The following RAB3C variants were observed in gnomAD, a reference collection of about 807,000 sequenced individuals.
The protein encoded by RAB3C is RAB3C, member RAS oncogene family, also known as ras-related protein Rab-3C.
In RAB3C, 17 loss-of-function variants were observed where a neutral mutation model predicts 26.4. The observed-to-expected ratio is 0.64, with a 90% CI of 0.44 to 0.97. The LOEUF (loss-of-function observed/expected upper bound fraction) is 0.97, where lower values mean the gene tolerates loss of function less well. Among genes scored for constraint, RAB3C ranks in the 50% least tolerant of loss-of-function variants. The pLI, the probability that RAB3C is intolerant of heterozygous loss-of-function variation, is 0.00. For synonymous variants in RAB3C, 91 were observed against 95.9 expected, an observed-to-expected ratio of 0.95 and a Z score of 0.30; for missense variants, 242 against 281.9, an observed-to-expected ratio of 0.86 and a Z score of 1.01.
intron 4 of RAB3C, among the ~76,000 whole-genome samples, chr5:58,845,632 A>T (rs2548233): frequency 8.8e-6 from 1 of 113,164 alleles, no homozygotes; most frequent in Non-Finnish European, 1.8e-5. Context: ...GTGTGTGTGT[A>T]TATGTATATA....
intron 2 of RAB3C, among the ~76,000 whole-genome samples, chr5:58,675,078 G>C (rs951250609): frequency 3.9e-5 from 6 of 152,008 alleles, no homozygotes; most frequent in Non-Finnish European, 8.8e-5. Flanking sequence ...TACAGCTTAG[G>C]CTTTTCTTTT....
At chr5:58,796,578 A>T in intron 3 of RAB3C, among the ~76,000 whole-genome samples, 1 of 152,340 alleles carries the variant, frequency 6.6e-6, no homozygotes, top group South Asian at 2.1e-4. Context: ...TTATTTACAA[A>T]AGTGTTGGCA....
intron 3 of RAB3C, among the ~76,000 whole-genome samples, chr5:58,797,354 ATATGTATATATATAATAT>A (rs372713456): frequency 0.19 from 10,965 of 57,816 alleles, 1,148 homozygotes; most frequent in Non-Finnish European, 0.22. Context: ...AAAAAAAAAA[ATATGTATATATATAATAT>A]ATATATATAT....
At chr5:58,841,502 T>C (rs1041855736) in intron 4 of RAB3C, among the ~76,000 whole-genome samples, 4 of 151,928 alleles carry the variant, frequency 2.6e-5, no homozygotes, top group African/African-American at 7.3e-5. Context: ...GTAGCTCTGG[T>C]CTCAAGATGG....
chr5:58,766,157 A>G (rs1279749389), intron 3 of RAB3C, among the ~76,000 whole-genome samples: 4 of 144,194 alleles, frequency 2.8e-5, no homozygotes. Context: ...TCGCTCTGTC[A>G]CCCAGGCTGG....
At chr5:58,602,986 C>A (rs551081498) in intron 1 of RAB3C, among the ~76,000 whole-genome samples, 1 of 152,126 alleles carries the variant, frequency 6.6e-6, no homozygotes, top group African/African-American at 2.4e-5. Context: ...CTCCTTTTAG[C>A]AGTTCTTGTA....
intron 3 of RAB3C, among the ~76,000 whole-genome samples, chr5:58,770,302 GA>G (rs1252014669): frequency 6.6e-6 from 1 of 152,110 alleles, no homozygotes; most frequent in East Asian, 1.9e-4. Flanking sequence ...CAGAGAAACT[GA>G]ATAATCACTG....
In RAB3C at chr5:58,640,226, G is replaced by A. The variant is rs146604942; in HGVS notation, c.252+22356G>A. 2.7e-3 allele frequency among the ~76,000 whole-genome samples: 418 copies of A among 152,312 alleles called. 1 individual carries two copies. The highest frequency in any genetic ancestry group is 9.5e-3 in the African/African-American group (396 of 41,578). On this transcript the variant is annotated intron_variant, in intron 2 of 4. Transcript: ENST00000282878. ...CAAGCTCATTCTGGCCTCTTGGAAAGGAGGAACTTCCAGCTGCTGGCAGCC... is the reference window on the plus strand; with the variant it reads ...CAAGCTCATTCTGGCCTCTTGGAAAAGAGGAACTTCCAGCTGCTGGCAGCC...
chr5:58,648,306 A>T (rs158971), intron 2 of RAB3C, among the ~76,000 whole-genome samples: 21,989 of 152,182 alleles, frequency 0.14, 1,960 homozygotes, highest in Middle Eastern at 0.24. Flanking sequence ...CCATCCATGC[A>T]TTCAACAAAC....
intron 3 of RAB3C, among the ~76,000 whole-genome samples, chr5:58,798,189 T>G (rs1387304413): frequency 6.6e-6 from 1 of 152,168 alleles, no homozygotes; most frequent in Admixed American, 6.5e-5. Flanking sequence ...AGTCATTGAT[T>G]CAGGCAGAGG....
At chr5:58,774,814 G>A (rs1742092969) in intron 3 of RAB3C, among the ~76,000 whole-genome samples, 1 of 152,162 alleles carries the variant, frequency 6.6e-6, no homozygotes, top group Non-Finnish European at 1.5e-5. Context: ...TCAGGGCAGA[G>A]TGTCCTTAGC....
At chr5:58,837,557 CTTTTTTTT>C (rs36020735) in intron 4 of RAB3C, among the ~76,000 whole-genome samples, 3 of 118,898 alleles carry the variant, frequency 2.5e-5, no homozygotes, top group Non-Finnish European at 5.0e-5. Flanking sequence ...TTCAGTCTCT[CTTTTTTTT>C]TTTTTTTTTT....
chr5:58,685,084 A>G (rs1297768040), intron 2 of RAB3C, among the ~76,000 whole-genome samples: 1 of 152,212 alleles, frequency 6.6e-6, no homozygotes, highest in Non-Finnish European at 1.5e-5. Context: ...TAGAATCTTT[A>G]TTGACCCTAA....
chr5:58,641,315 T>C (rs1186155606), intron 2 of RAB3C, among the ~76,000 whole-genome samples: 1 of 152,246 alleles, frequency 6.6e-6, no homozygotes, highest in Non-Finnish European at 1.5e-5. Flanking sequence ...ATCCTCCTGC[T>C]GTGGCCCACT....
chr5:58,852,087 TC>T lies in RAB3C; in HGVS notation c.*738del, dbSNP rs1363254015. The T allele has an allele frequency of 6.6e-6, 1 of 152,238 alleles. No individual in the cohort carries two copies. The highest frequency in any genetic ancestry group is 1.5e-5 in the Non-Finnish European group (1 of 68,052). The allele number at this position is 152,238 out of a possible 1,614,324, so 9.4% of individuals were successfully genotyped here. On this transcript the variant is annotated 3_prime_UTR_variant, in exon 5 of 5. Transcript: ENST00000282878. ...TACCCAGGACTGCTTTTTCCACTGATCCTTCCCAATTCTGTGAATATTCAAC... is the reference window on the plus strand; with the variant it reads ...TACCCAGGACTGCTTTTTCCACTGATCTTCCCAATTCTGTGAATATTCAAC...
chr5:58,667,731 A>G (rs1748031484), intron 2 of RAB3C, among the ~76,000 whole-genome samples: 1 of 150,594 alleles, frequency 6.6e-6, no homozygotes, highest in African/African-American at 2.5e-5. Context: ...CTATTTTACC[A>G]AAAGCTCTAA....
At chr5:58,768,485 T>C (rs1443924477) in intron 3 of RAB3C, among the ~76,000 whole-genome samples, 1 of 151,962 alleles carries the variant, frequency 6.6e-6, no homozygotes, top group Non-Finnish European at 1.5e-5. Flanking sequence ...AAACAACAGA[T>C]AAAATATGCA....
chr5:58,751,251 G>A lies in RAB3C; in HGVS notation c.371+25131G>A, dbSNP rs185813644. On this transcript the variant is annotated intron_variant, in intron 3 of 4. Coordinates refer to ENST00000282878, the MANE Select transcript of RAB3C (RefSeq NM_138453.4). Reference sequence around the variant, plus strand: ...AATAAAGATTTGAATCATAGTTATCGCAGTTGAGACAGAAATCCAAAGGTA... The same window carrying A: ...AATAAAGATTTGAATCATAGTTATCACAGTTGAGACAGAAATCCAAAGGTA... Among the ~76,000 whole-genome samples the A allele has an allele frequency of 5.3e-5, 8 of 152,304 alleles. No individual in the cohort carries two copies. In the South Asian group the frequency reaches 6.2e-4, roughly 12 times the overall value.
At chr5:58,787,744 G>A (rs749385788) in intron 3 of RAB3C, among the ~76,000 whole-genome samples, 4 of 152,208 alleles carry the variant, frequency 2.6e-5, no homozygotes, top group East Asian at 1.9e-4. Flanking sequence ...TGGTGTGCAC[G>A]GTCCCATTTG....
Sources: allele counts gnomAD v4.1 joint callset (sites outside exome capture counted in the v4.1 genomes callset), GRCh38; gene constraint gnomAD v4.1.1; transcripts MANE v1.5; gene names NCBI Gene and HGNC (gene_info 2026-07-23, HGNC 2026-07-21).